The following CYTH3 variants were observed in gnomAD, a reference collection of about 807,000 sequenced individuals.
CYTH3 encodes the protein cytohesin 3, also known as cytohesin-3.
In CYTH3, 23 loss-of-function variants were observed where a neutral mutation model predicts 55.1. The ratio of observed to expected loss-of-function variants is 0.42; its 90% CI spans 0.30 to 0.59. The LOEUF (loss-of-function observed/expected upper bound fraction) is 0.59. CYTH3 is among the 20% of genes least tolerant of loss of function. The pLI, the probability that CYTH3 is intolerant of heterozygous loss-of-function variation, is 0.20. For synonymous variants in CYTH3, 249 were observed against 194.9 expected (o/e 1.28, Z -2.31); for missense variants, 413 against 524.8 (o/e 0.79, Z 2.08).
chr7:6,216,272 G>C (rs1583169888), intron 1 of CYTH3, among the ~76,000 whole-genome samples: 1 of 152,216 alleles, frequency 6.6e-6, no homozygotes, highest in African/African-American at 2.4e-5. Flanking sequence ...GACAGTGAGG[G>C]ACACAGAGGG....
intron 1 of CYTH3, among the ~76,000 whole-genome samples, chr7:6,237,933 A>G (rs980642113): frequency 1.3e-5 from 2 of 152,210 alleles, no homozygotes; most frequent in African/African-American, 4.8e-5. Flanking sequence ...GTATCATCCT[A>G]TAATGCTAGA....
At chr7:6,198,743 A>T (rs1289132483) in intron 1 of CYTH3, among the ~76,000 whole-genome samples, 5 of 151,174 alleles carry the variant, frequency 3.3e-5, no homozygotes, top group Non-Finnish European at 5.9e-5. Context: ...GCATACAATG[A>T]AAACTTCCCC....
chr7:6,172,986 G>C, intron 6 of CYTH3: 1 of 1,096,332 alleles, frequency 9.1e-7, no homozygotes, highest in South Asian at 2.0e-5. Context: ...AAGATGACGA[G>C]GTGCGGCCTG....
Position 6,227,132 on chromosome 7 carries a change from TGAC to T in CYTH3, c.35-36604_35-36602del, listed in dbSNP as rs1057231612. On this transcript the variant is annotated intron_variant, in intron 1 of 12. Transcript: ENST00000350796. ...CTGGCACATGGTGTGCCCGCTCTCT[TGAC>T]AAACCCATGAAATGATAGAAGAGGC... Among the ~76,000 whole-genome samples, 16 of 150,904 alleles carry T rather than the reference TGAC, an allele frequency of 1.1e-4. No individual in the cohort carries two copies. The East Asian group carries it at 3.1e-3, about 29-fold the overall frequency.
chr7:6,195,227 T>C (rs1440282388), intron 1 of CYTH3, among the ~76,000 whole-genome samples: 2 of 152,064 alleles, frequency 1.3e-5, no homozygotes, highest in Non-Finnish European at 2.9e-5. Context: ...ACGATATAAA[T>C]TAAGAACACA....
At chr7:6,271,811 T>G (rs1163566233) in intron 1 of CYTH3, among the ~76,000 whole-genome samples, 1 of 152,198 alleles carries the variant, frequency 6.6e-6, no homozygotes, top group Non-Finnish European at 1.5e-5. Flanking sequence ...GTGCAGCTCG[T>G]GTCTCCCACC....
At chr7:6,259,247 C>T (rs918784789) in intron 1 of CYTH3, among the ~76,000 whole-genome samples, 2 of 152,164 alleles carry the variant, frequency 1.3e-5, no homozygotes, top group Admixed American at 1.3e-4. Context: ...GATCATCATC[C>T]AAATGCTTTG....
At position 6,162,512 on chromosome 7, in the gene CYTH3, AGCG is replaced by A. The variant is rs1782865562; in HGVS notation, c.*2429_*2431del. On this transcript the variant is annotated 3_prime_UTR_variant, in exon 13 of 13. Coordinates refer to ENST00000350796, the MANE Select transcript of CYTH3 (RefSeq NM_004227.4). ...TGTCCTGTTTCAGGGCCGTCCTGGT[AGCG>A]GCTGGCCCTGCGCAGTCACTGACCC... The A allele has an allele frequency of 6.6e-6, 1 of 152,252 alleles. No homozygotes were observed. Among genetic ancestry groups the A allele is most frequent in the Non-Finnish European group, 1.5e-5 (1 of 68,056 alleles). 9.4% of individuals were successfully genotyped at this position (152,252 alleles called of 1,614,324 possible).
chr7:6,219,008 A>T (rs1259837352), intron 1 of CYTH3, among the ~76,000 whole-genome samples: 1 of 144,628 alleles, frequency 6.9e-6, no homozygotes, highest in African/African-American at 2.5e-5. Flanking sequence ...CGTCTCAAAA[A>T]AAAAAAAAAA....
intron 1 of CYTH3, among the ~76,000 whole-genome samples, chr7:6,265,381 G>C (rs567322708): frequency 3.4e-4 from 52 of 152,130 alleles, no homozygotes; most frequent in Non-Finnish European, 5.1e-4. Context: ...GGGAGGCCAA[G>C]GCAGGCAGAT....
intron 4 of CYTH3, among the ~76,000 whole-genome samples, chr7:6,182,987 C>T (rs1429086663): frequency 6.6e-6 from 1 of 152,262 alleles, no homozygotes; most frequent in Non-Finnish European, 1.5e-5. Flanking sequence ...GTTTTTGCTG[C>T]AGCTGCCTCC....
At chr7:6,224,016 C>G (rs993308862) in intron 1 of CYTH3, among the ~76,000 whole-genome samples, 16 of 152,020 alleles carry the variant, frequency 1.1e-4, no homozygotes, top group African/African-American at 3.9e-4. Flanking sequence ...TGATTCACAA[C>G]TGTTATCCTA....
chr7:6,190,173 C>T (rs552339398), intron 2 of CYTH3, among the ~76,000 whole-genome samples: 1 of 152,296 alleles, frequency 6.6e-6, no homozygotes, highest in African/African-American at 2.4e-5. Context: ...CCTGGGTTTG[C>T]GAGCTGGCTA....
In CYTH3 at chr7:6,272,566, G is replaced by T. The variant is rs1780696355; in HGVS notation, c.-59C>A. ...GCCGGCAGCAGAGGGGCCGCGGGCT[G>T]GGGACGCCGCCGGAGGGAGCGCGCA... On this transcript the variant is annotated 5_prime_UTR_variant, in exon 1 of 13. Transcript: ENST00000350796. 1 of 1,210,636 alleles carries T rather than the reference G, an allele frequency of 8.3e-7. No individual in the cohort carries two copies. The allele number at this position is 1,210,636 out of a possible 1,614,324, so 75.0% of individuals were successfully genotyped here.
At chr7:6,206,913 T>G (rs1171417446) in intron 1 of CYTH3, among the ~76,000 whole-genome samples, 2 of 152,014 alleles carry the variant, frequency 1.3e-5, no homozygotes, top group Non-Finnish European at 2.9e-5. Context: ...ATTTTTTTCG[T>G]TTTAGAGAGA....
chr7:6,170,822 G>C lies in CYTH3; in HGVS notation c.711+8C>G. ...CAGACGGCAGCGGCCGCGGGCCGGG[G>C]AGCTCACCCTCAGCAGCTCCTCAGG... On this transcript the variant is annotated splice_region_variant and intron_variant, in intron 8 of 12. Coordinates refer to ENST00000350796, the MANE Select transcript of CYTH3 (RefSeq NM_004227.4). The surrounding 1 kb of genome is among the most constrained non-coding windows in gnomAD (Gnocchi z 7.8). The C allele has an allele frequency of 6.2e-7, 1 of 1,608,646 alleles. No individual in the cohort carries two copies. The highest frequency in any genetic ancestry group is 1.1e-5 in the South Asian group (1 of 90,752).
rs1266889645 is a variant in CYTH3 at position 6,167,302 on chromosome 7, C to G, written c.824-1492G>C. 1.3e-5 allele frequency among the ~76,000 whole-genome samples: 2 copies of G among 152,180 alleles called. No homozygotes were observed. The highest frequency in any genetic ancestry group is 2.9e-5 in the Non-Finnish European group (2 of 68,034). ...GACCCTGGGGGCAACCTGCCTTGTC[C>G]CACAGTCCTCCAGTGAGCAGTGAGA... On this transcript the variant is annotated intron_variant, in intron 9 of 12. Coordinates refer to ENST00000350796, the MANE Select transcript of CYTH3 (RefSeq NM_004227.4). This position sits in a 1 kb window ranked among gnomAD's most constrained non-coding sequence, Gnocchi z 5.5.
At chr7:6,214,448 T>C (rs552117519) in intron 1 of CYTH3, among the ~76,000 whole-genome samples, 9 of 152,312 alleles carry the variant, frequency 5.9e-5, no homozygotes, top group African/African-American at 1.9e-4. Context: ...ATTACTACTT[T>C]TATTTTCTCT....
chr7:6,199,183 G>A (rs577171554), intron 1 of CYTH3, among the ~76,000 whole-genome samples: 1 of 152,320 alleles, frequency 6.6e-6, no homozygotes, highest in South Asian at 2.1e-4. Context: ...GCCTTTCTCA[G>A]GCACTAGCCT....
Sources: gnomAD v4.1 joint callset for allele counts (sites outside exome capture counted in the v4.1 genomes callset) on GRCh38, gnomAD v4.1.1 for gene constraint, Gnocchi (gnomAD v3.1) non-coding constraint, MANE v1.5 for transcripts, NCBI Gene and HGNC (gene_info 2026-07-23, HGNC 2026-07-21) for gene names.